LRP2: variants seen among roughly 807,000 people sequenced by gnomAD.
LRP2 encodes low-density lipoprotein receptor-related protein 2.
LRP2 carries 172 observed loss-of-function variants against 531.0 expected under a neutral mutation model. The ratio of observed to expected loss-of-function variants is 0.32; its 90% confidence interval spans 0.29 to 0.37. The LOEUF is 0.37. LRP2 is among the 10% of genes least tolerant of loss of function. LRP2 has a pLI of 1.00. For missense variants in LRP2, 5,167 were observed against 5,868.3 expected, an observed-to-expected ratio of 0.88 and a Z score of 3.90; for synonymous variants, 1,992 against 2,027.6, an observed-to-expected ratio of 0.98 and a Z score of 0.47.
chr2:169,205,690 TTAA>T, intron 40 of LRP2, 53 bp from the exon 41 acceptor site: 1 of 1,493,566 alleles, frequency 6.7e-7, no homozygotes, highest in Non-Finnish European at 9.1e-7. Flanking sequence ...TCATAGTCCT[TTAA>T]AAAAAAAAAA....
chr2:169,354,655 T>A (rs569542696), intron 1 of LRP2, among the ~76,000 whole-genome samples: 1 of 152,356 alleles, frequency 6.6e-6, no homozygotes, highest in Non-Finnish European at 1.5e-5. Context: ...TTTAGAATGA[T>A]AATGTCTCCA....
intron 3 of LRP2, among the ~76,000 whole-genome samples, chr2:169,317,201 C>A (rs1684786429): frequency 1.3e-5 from 2 of 152,068 alleles, no homozygotes; most frequent in Non-Finnish European, 2.9e-5. Context: ...AAGCAGTTGC[C>A]CTTAGTAGTT....
chr2:169,203,966 A>G lies in LRP2; in HGVS notation c.8005+16T>C, dbSNP rs370959453. ...CATTATTCTCCATGTTCTAATTTTC[A>G]TGGTCAGTGCCTTACCTGGTGCACA... On this transcript the variant is annotated intron_variant, in intron 42 of 78. Coordinates refer to ENST00000649046, the MANE Select transcript of LRP2 (RefSeq NM_004525.3). 36 of 1,613,562 alleles carry G rather than the reference A, an allele frequency of 2.2e-5. No individual in the cohort carries two copies. The Middle Eastern group carries it at 4.9e-4, about 22-fold the overall frequency.
intron 1 of LRP2, among the ~76,000 whole-genome samples, chr2:169,332,356 G>C (rs1319532708): frequency 6.6e-6 from 1 of 152,090 alleles, no homozygotes; most frequent in Non-Finnish European, 1.5e-5. Flanking sequence ...GTAACAACAA[G>C]CTCTAAAGAA....
chr2:169,288,911 G>A, intron 9 of LRP2, 115 bp downstream of exon 9: 1 of 1,526,366 alleles, frequency 6.6e-7, no homozygotes, highest in Non-Finnish European at 9.0e-7. Context: ...GTTGCTCTTT[G>A]TTATGACAGA....
rs979671402 is a variant in LRP2, at chr2:169,216,124, G to T, written c.5826+129C>A. ...AAGGGAGAGAAGTTATTGGGAGAAG[G>T]GGCAATGAAACACTGGTACAAGTTA... is the stretch of plus-strand genomic sequence containing the variant. On this transcript the variant is annotated intron_variant, in intron 35 of 78. Transcript: ENST00000649046. 7.2e-5 allele frequency: 68 copies of T among 945,426 alleles called. No homozygotes were observed. The Admixed American group carries it at 1.3e-3, about 18-fold the overall frequency. The allele number at this position is 945,426 out of a possible 1,614,324, so 58.6% of individuals were successfully genotyped here. A position where few individuals can be genotyped will look rare whatever the true frequency, so the allele number is the denominator to read the frequency against.
intron 71 of LRP2, among the ~76,000 whole-genome samples, chr2:169,141,530 T>C (rs1685717850): frequency 6.6e-6 from 1 of 152,218 alleles, no homozygotes; most frequent in South Asian, 2.1e-4. Context: ...TTAATTATTA[T>C]ACCAAACCGA....
intron 34 of LRP2, among the ~76,000 whole-genome samples, chr2:169,217,823 G>C (rs914124070): frequency 2.0e-5 from 3 of 151,934 alleles, no homozygotes; most frequent in Non-Finnish European, 2.9e-5. Context: ...CTTCATCCTT[G>C]ATCTTTCATC....
At chr2:169,204,757 G>A (rs1352941826) in intron 41 of LRP2, among the ~76,000 whole-genome samples, 1 of 152,102 alleles carries the variant, frequency 6.6e-6, no homozygotes, top group African/African-American at 2.4e-5. Flanking sequence ...GTTAGGTCTT[G>A]GCATCAAAAG....
At position 169,206,705 on chromosome 2, in the gene LRP2, C is replaced by G; in HGVS notation, c.7015G>C (p.Ala2339Pro). The change falls in exon 39 of 79, where the codon GCA becomes CCA. Residue 2339 changes from alanine to proline, a missense_variant. Coordinates refer to ENST00000649046, the MANE Select transcript of LRP2 (RefSeq NM_004525.3). Reference protein sequence around the residue: ...FDKQVQPRSPAEVNNNPCLEN... With the variant: ...FDKQVQPRSPPEVNNNPCLEN... Reference sequence around the variant, plus strand: ...AAGCAAGGGTTGTTGTTGACCTCTGCTGGTGACCGGGGCTGGACTTGCTTG... The same window carrying G: ...AAGCAAGGGTTGTTGTTGACCTCTGGTGGTGACCGGGGCTGGACTTGCTTG... 1 of 1,614,136 alleles carries G rather than the reference C, an allele frequency of 6.2e-7. No homozygotes were observed.
At chr2:169,276,157 T>G (rs1192844955) in intron 13 of LRP2, among the ~76,000 whole-genome samples, 1 of 152,142 alleles carries the variant, frequency 6.6e-6, no homozygotes, top group Non-Finnish European at 1.5e-5. Flanking sequence ...GGCAGGTTAG[T>G]GCACACTTTG....
intron 1 of LRP2, among the ~76,000 whole-genome samples, chr2:169,351,746 T>G (rs747990866): frequency 5.3e-5 from 8 of 152,178 alleles, no homozygotes; most frequent in Non-Finnish European, 1.2e-4. Context: ...GCGAGGCTAG[T>G]CAGTATAGTT....
chr2:169,137,656 AAAAAAAAAAAAAGGCCAGC>A (rs1473517151), intron 75 of LRP2, among the ~76,000 whole-genome samples, 163 bp from the exon 76 acceptor site: 1 of 151,920 alleles, frequency 6.6e-6, no homozygotes, highest in African/African-American at 2.4e-5. Context: ...TTGCAAAAAA[AAAAAAAAAAAAAGGCCAGC>A]AAAACACAAG....
At position 169,156,365 on chromosome 2, in the gene LRP2, G is replaced by T; in HGVS notation, c.12060C>A (p.His4020Gln). 1 of 1,613,664 alleles carries T rather than the reference G, an allele frequency of 6.2e-7. No homozygotes were observed. The highest frequency in any genetic ancestry group is 8.5e-7 in the Non-Finnish European group (1 of 1,179,680). Residue 4020 changes from histidine (H) to glutamine (Q), a missense_variant, in exon 65 of 79, where the codon CAC (histidine) becomes CAA (glutamine). By Grantham distance (24) the His-to-Gln change is conservative. Coordinates refer to ENST00000649046, the MANE Select transcript of LRP2 (RefSeq NM_004525.3). ...CATAACTTCCTTTGGTATTTCTGCA[G>T]TGCTGGGGACAAGTCCCAAATTGTT... The part of the protein sequence containing the change: ...ECEQFGTCPQ[H>Q]CRNTKGSYEC...
chr2:169,156,303 T>G lies in LRP2; in HGVS notation c.12122A>C (p.Asp4041Ala), dbSNP rs771491397. The G allele has an allele frequency of 1.9e-6, 3 of 1,613,732 alleles. No individual in the cohort carries two copies. Among genetic ancestry groups the G allele is most frequent in the Non-Finnish European group, 2.5e-6 (3 of 1,179,720 alleles). Residue 4041 changes from aspartate (D) to alanine (A), a missense_variant, in exon 65 of 79, where the codon GAC becomes GCC. Around this residue, in one of 6 missense-constraint regions of LRP2, gnomAD observed 564 missense variants for 747.7 expected, o/e 0.75. Coordinates refer to ENST00000649046, the MANE Select transcript of LRP2 (RefSeq NM_004525.3). ...VCADGFTSMS[D>A]RPGKRCAAEG... ...AGCTGCACATCGTTTTCCAGGGCGG[T>G]CACTCATAGACGTGAAGCCATCAGC...
intron 77 of LRP2, among the ~76,000 whole-genome samples, chr2:169,131,507 CA>C (rs1271231306): frequency 6.6e-6 from 1 of 152,014 alleles, no homozygotes; most frequent in Non-Finnish European, 1.5e-5. Context: ...GTAAAATTTC[CA>C]ACTACTCTTA....
In LRP2 at chr2:169,233,531, G is replaced by T. The variant is rs368961037; in HGVS notation, c.4978C>A (p.Arg1660Ser). The T allele has an allele frequency of 6.2e-7, 1 of 1,614,082 alleles. No homozygotes were observed. The highest frequency in any genetic ancestry group is 1.7e-5 in the Admixed American group (1 of 60,014). ...LFEDSVYWTD[R>S]ATRRVMRANK... Reference sequence around the variant, plus strand: ...GCTCGCATAACCCGACGAGTAGCACGGTCAGTCCAGTACACAGAGTCTTCA... The same window carrying T: ...GCTCGCATAACCCGACGAGTAGCACTGTCAGTCCAGTACACAGAGTCTTCA... Residue 1660 changes from arginine to serine, a missense_variant, in exon 30 of 79, where the codon CGT (arginine) becomes AGT (serine). Around this residue, in one of 6 missense-constraint regions of LRP2, gnomAD observed 2,811 missense variants for 3,058.0 expected, o/e 0.92. Coordinates refer to ENST00000649046, the MANE Select transcript of LRP2 (RefSeq NM_004525.3).
chr2:169,318,602 C>A (rs540517430), intron 3 of LRP2, among the ~76,000 whole-genome samples, 160 bp downstream of exon 3: 109 of 152,344 alleles, frequency 7.2e-4, no homozygotes, highest in African/African-American at 2.1e-3. Context: ...CTTTCAATAT[C>A]ATCCAACCCC....
chr2:169,334,892 T>A (rs919120121), intron 1 of LRP2, among the ~76,000 whole-genome samples: 3 of 152,234 alleles, frequency 2.0e-5, no homozygotes, highest in African/African-American at 7.2e-5. Flanking sequence ...CGTCCCTCCA[T>A]GAAGGGTGGT....
Sources: gnomAD v4.1 joint callset for allele counts (sites outside exome capture counted in the v4.1 genomes callset) on GRCh38, gnomAD v4.1.1 for gene constraint, gnomAD v4.1.1 regional missense constraint, MANE v1.5 for transcripts, NCBI Gene and HGNC (gene_info 2026-07-23, HGNC 2026-07-21) for gene names.